The following GRAMD4 variants were observed in gnomAD, a reference collection of about 807,000 sequenced individuals.
GRAMD4 encodes GRAM domain-containing protein 4.
Under a neutral mutation model 83.9 loss-of-function variants are expected in GRAMD4, and 25 were observed. The ratio of observed to expected loss-of-function variants is 0.30; its 90% CI spans 0.22 to 0.42. The LOEUF (loss-of-function observed/expected upper bound fraction) is 0.42. Among genes scored for constraint, GRAMD4 ranks in the 10% least tolerant of loss-of-function variants. The probability of loss-of-function intolerance (pLI) is 1.00; values close to 1 mark genes in which losing one functional copy is unlikely to be tolerated. For missense variants in GRAMD4, 593 were observed against 788.7 expected, an observed-to-expected ratio of 0.75 and a Z score of 2.97; for synonymous variants, 336 against 320.9, an observed-to-expected ratio of 1.05 and a Z score of -0.50.
chr22:46,675,673 G>T, intron 17 of GRAMD4, 121 bp downstream of exon 17: 1 of 713,260 alleles, frequency 1.4e-6, no homozygotes, highest in South Asian at 1.6e-5. Context: ...CCGCGGCCAC[G>T]CTGGCCGGCC....
intron 2 of GRAMD4, among the ~76,000 whole-genome samples, chr22:46,635,731 C>T (rs1438011213): frequency 1.2e-5 from 1 of 80,882 alleles, no homozygotes; most frequent in Non-Finnish European, 2.3e-5. Context: ...GTCCTGGGGG[C>T]CCGTGTCCTC....
chr22:46,643,182 T>C (rs2082011405), intron 3 of GRAMD4, among the ~76,000 whole-genome samples: 1 of 135,850 alleles, frequency 7.4e-6, no homozygotes, highest in Non-Finnish European at 1.6e-5. Context: ...CATCCATCCA[T>C]CCATCCATCC....
intron 1 of GRAMD4, among the ~76,000 whole-genome samples, chr22:46,594,857 C>T (rs913733786): frequency 3.3e-5 from 5 of 152,032 alleles, no homozygotes; most frequent in South Asian, 2.1e-4. Flanking sequence ...TGTTCTGAAG[C>T]GCTCTGGAGT....
chr22:46,672,942 G>A lies in GRAMD4; in HGVS notation c.1184G>A (p.Ser395Asn). 4 of 1,611,190 alleles carry A rather than the reference G, an allele frequency of 2.5e-6. No individual in the cohort carries two copies. The highest frequency in any genetic ancestry group is 1.1e-5 in the South Asian group (1 of 91,032). Reference protein sequence around the residue: ...KYDTPYIIWRSLPTDPQLKER... With the variant: ...KYDTPYIIWRNLPTDPQLKER... ...GACACGCCCTATATCATCTGGAGGAGTCTCCCCACCGACCCGCAGCTCAAG... is the reference window on the plus strand; with the variant it reads ...GACACGCCCTATATCATCTGGAGGAATCTCCCCACCGACCCGCAGCTCAAG... The change falls in exon 14 of 19, where the codon AGT (serine) becomes AAT (asparagine). Residue 395 changes from serine (S) to asparagine (N), a missense_variant. Coordinates refer to ENST00000406902, the MANE Select transcript of GRAMD4 (RefSeq NM_015124.5). This position sits in a 1 kb window ranked among gnomAD's most constrained non-coding sequence, Gnocchi z 4.7.
intron 1 of GRAMD4, among the ~76,000 whole-genome samples, chr22:46,578,054 T>G (rs1038247344): frequency 2.0e-5 from 3 of 152,202 alleles, no homozygotes; most frequent in Non-Finnish European, 2.9e-5. Flanking sequence ...GGTGCAGCAG[T>G]GCCCCGGGGC....
chr22:46,681,520 G>A (rs974692237), downstream of GRAMD4, among the ~76,000 whole-genome samples: 2 of 152,176 alleles, frequency 1.3e-5, no homozygotes, highest in Non-Finnish European at 2.9e-5. Flanking sequence ...CTACCAGAGG[G>A]GCTGTGCAAC....
At chr22:46,634,785 A>G (rs1474345752) in intron 2 of GRAMD4, among the ~76,000 whole-genome samples, 1 of 152,122 alleles carries the variant, frequency 6.6e-6, no homozygotes, top group African/African-American at 2.4e-5. Flanking sequence ...TACTAAAAAT[A>G]CAAAAAAATT....
At chr22:46,599,372 G>A (rs1228190232) in intron 1 of GRAMD4, among the ~76,000 whole-genome samples, 3 of 151,698 alleles carry the variant, frequency 2.0e-5, no homozygotes, top group Non-Finnish European at 4.4e-5. Context: ...GGGCTAGAGT[G>A]CAGTGTCACG....
chr22:46,623,174 G>T (rs1329729792), intron 1 of GRAMD4, among the ~76,000 whole-genome samples: 1 of 152,030 alleles, frequency 6.6e-6, no homozygotes, highest in African/African-American at 2.4e-5. Context: ...ACAAGGACGG[G>T]GTCCTGTGTG....
chr22:46,645,696 A>G (rs2082063162), intron 3 of GRAMD4, among the ~76,000 whole-genome samples: 1 of 152,238 alleles, frequency 6.6e-6, no homozygotes. Flanking sequence ...TCCTGCAAGC[A>G]AATGACACAG....
upstream of GRAMD4, among the ~76,000 whole-genome samples, chr22:46,616,867 C>T (rs1485757072): frequency 8.9e-5 from 2 of 22,354 alleles, no homozygotes; most frequent in Admixed American, 4.8e-4. Flanking sequence ...TGTAGGTTCC[C>T]CCGTGTGTAG....
chr22:46,640,889 ATT>A (rs1469564820), intron 3 of GRAMD4, among the ~76,000 whole-genome samples: 1 of 150,304 alleles, frequency 6.7e-6, no homozygotes, highest in Non-Finnish European at 1.5e-5. Context: ...AGCTGTAAAT[ATT>A]TCAGTGGATA....
intron 3 of GRAMD4, among the ~76,000 whole-genome samples, chr22:46,641,415 GGAA>G (rs1317974841): frequency 4.0e-5 from 6 of 151,828 alleles, no homozygotes; most frequent in Non-Finnish European, 8.8e-5. Context: ...AAGGAAGGAA[GGAA>G]GGAAACAAAT....
Position 46,666,812 on chromosome 22 carries a change from T to A in GRAMD4, c.810-13T>A. The A allele has an allele frequency of 1.2e-6, 2 of 1,610,182 alleles. No individual in the cohort carries two copies. The highest frequency in any genetic ancestry group is 1.7e-6 in the Non-Finnish European group (2 of 1,177,574). On this transcript the variant is annotated splice_polypyrimidine_tract_variant and intron_variant, in intron 9 of 18. Coordinates refer to ENST00000406902, the MANE Select transcript of GRAMD4 (RefSeq NM_015124.5). ...GCGCTGTCCTAAAGGTGTGTGTGTT[T>A]TCTGTTCGCCAGGGGGTGGCGGATA...
At chr22:46,673,018 CGGGGATGG>C in intron 14 of GRAMD4, 21 bp downstream of exon 14, 2 of 1,543,328 alleles carry the variant, frequency 1.3e-6, no homozygotes, top group Non-Finnish European at 1.7e-6. Context: ...CCCCCAGCTG[CGGGGATGG>C]GGGGATGGGG....
At chr22:46,609,336 G>C (rs1311258949) in intron 1 of GRAMD4, among the ~76,000 whole-genome samples, 4 of 152,226 alleles carry the variant, frequency 2.6e-5, no homozygotes, top group African/African-American at 9.6e-5. Flanking sequence ...CCTGCTGTGC[G>C]GGGTAGCCCT....
At chr22:46,636,092 C>T (rs898812319) in intron 2 of GRAMD4, among the ~76,000 whole-genome samples, 31 of 152,282 alleles carry the variant, frequency 2.0e-4, no homozygotes, top group Non-Finnish European at 4.0e-4. Flanking sequence ...CCTAGTCTGG[C>T]GGCACCTGCG....
At chr22:46,653,741 G>A (rs1044797816) in intron 3 of GRAMD4, among the ~76,000 whole-genome samples, 2 of 152,208 alleles carry the variant, frequency 1.3e-5, no homozygotes, top group African/African-American at 4.8e-5. Context: ...AGAGGCATGT[G>A]GGCTGCCTTG....
intron 1 of GRAMD4, among the ~76,000 whole-genome samples, chr22:46,614,561 C>T (rs2081450554): frequency 6.6e-6 from 1 of 152,202 alleles, no homozygotes; most frequent in African/African-American, 2.4e-5. Context: ...AAAACACCAG[C>T]CAGCATCCGT....
Sources: gnomAD v4.1 joint callset for allele counts (sites outside exome capture counted in the v4.1 genomes callset) on GRCh38, gnomAD v4.1.1 for gene constraint, Gnocchi (gnomAD v3.1) non-coding constraint, MANE v1.5 for transcripts, NCBI Gene and HGNC (gene_info 2026-07-23, HGNC 2026-07-21) for gene names.